Variants in HCN1 observed in about 807,000 individuals in gnomAD.
HCN1 encodes the protein hyperpolarization activated cyclic nucleotide gated potassium channel 1.
Under a neutral mutation model 78.9 loss-of-function variants are expected in HCN1, and 13 were observed. That is an observed-to-expected ratio of 0.16 (90% CI 0.11 to 0.26). The LOEUF (loss-of-function observed/expected upper bound fraction) is 0.26. Ranked by LOEUF, HCN1 falls within the 10% of genes least tolerant of loss-of-function variation. The pLI, the probability that HCN1 is intolerant of heterozygous loss-of-function variation, is 1.00. For missense variants in HCN1, 810 were observed against 1,154.3 expected (o/e 0.70, Z 4.32); for synonymous variants, 552 against 455.5 (o/e 1.21, Z -2.70).
chr5:45,463,772 T>C (rs985509956), intron 2 of HCN1, among the ~76,000 whole-genome samples: 1 of 152,070 alleles, frequency 6.6e-6, no homozygotes, highest in Non-Finnish European at 1.5e-5. Context: ...TTTGTTGTTG[T>C]TTAGTAACAG....
At chr5:45,297,013 C>T (rs1745509442) in intron 6 of HCN1, among the ~76,000 whole-genome samples, 1 of 152,020 alleles carries the variant, frequency 6.6e-6, no homozygotes, top group African/African-American at 2.4e-5. Context: ...AAGACACACA[C>T]ACAGAAATAT....
chr5:45,677,264 TAG>T (rs1333236194), intron 1 of HCN1, among the ~76,000 whole-genome samples: 4 of 151,790 alleles, frequency 2.6e-5, no homozygotes, highest in African/African-American at 9.7e-5. Context: ...CACAAAAAAA[TAG>T]AGTGATATCT....
intron 2 of HCN1, among the ~76,000 whole-genome samples, chr5:45,512,313 G>A (rs1257621464): frequency 1.3e-5 from 2 of 152,070 alleles, no homozygotes; most frequent in Non-Finnish European, 2.9e-5. Context: ...ATATGGTATG[G>A]TTAATGAAGT....
intron 5 of HCN1, among the ~76,000 whole-genome samples, chr5:45,317,469 A>C (rs1746018982): frequency 6.6e-6 from 1 of 152,262 alleles, no homozygotes; most frequent in South Asian, 2.1e-4. Flanking sequence ...CCCTAGAAGA[A>C]GACCTAGGCA....
intron 3 of HCN1, among the ~76,000 whole-genome samples, chr5:45,460,709 AAAAG>A (rs1430082341): frequency 6.6e-6 from 1 of 152,048 alleles, no homozygotes. Context: ...GACAAAAAGA[AAAAG>A]GAAGGAAGGA....
intron 5 of HCN1, among the ~76,000 whole-genome samples, chr5:45,340,947 G>T (rs1391909395): frequency 6.6e-6 from 1 of 151,998 alleles, no homozygotes; most frequent in Non-Finnish European, 1.5e-5. Context: ...AATTCATTTG[G>T]GGCATCATTT....
In HCN1 at chr5:45,317,673, A is replaced by T. The variant is rs1407859719; in HGVS notation, c.1378-13834T>A. On this transcript the variant is annotated intron_variant, in intron 5 of 7. Transcript: ENST00000303230. ...TTTTTGCAACCTACTCATCTGACAA[A>T]GGGCTAATATCCAGAATCTACAAAG... Among the ~76,000 whole-genome samples the T allele has an allele frequency of 3.3e-5, 5 of 152,168 alleles. No homozygotes were observed. In the East Asian group the frequency reaches 9.6e-4, roughly 29 times the overall value.
intron 5 of HCN1, among the ~76,000 whole-genome samples, chr5:45,315,465 A>G (rs914080531): frequency 1.6e-4 from 25 of 152,216 alleles, no homozygotes; most frequent in Admixed American, 1.6e-3. Flanking sequence ...GAAAGCAGGA[A>G]AGTTCTAAAA....
At chr5:45,398,449 G>A (rs1041364674) in intron 3 of HCN1, among the ~76,000 whole-genome samples, 17 of 152,080 alleles carry the variant, frequency 1.1e-4, no homozygotes, top group African/African-American at 4.1e-4. Flanking sequence ...GCCTATATGT[G>A]TGTGTGTGTA....
chr5:45,583,690 G>C (rs563170867), intron 2 of HCN1, among the ~76,000 whole-genome samples: 2 of 152,132 alleles, frequency 1.3e-5, no homozygotes, highest in South Asian at 4.2e-4. Flanking sequence ...TCTACACACT[G>C]CTCTGAATGT....
At chr5:45,317,314 G>C (rs780966165) in intron 5 of HCN1, among the ~76,000 whole-genome samples, 1 of 152,110 alleles carries the variant, frequency 6.6e-6, no homozygotes, top group Non-Finnish European at 1.5e-5. Context: ...CAAGAATTGG[G>C]GAAAGGATTC....
At chr5:45,669,612 T>A (rs766682876) in intron 1 of HCN1, among the ~76,000 whole-genome samples, 3 of 151,878 alleles carry the variant, frequency 2.0e-5, no homozygotes, top group Middle Eastern at 3.4e-3. Flanking sequence ...AAAATGGTGG[T>A]CATGAGCCAA....
intron 6 of HCN1, among the ~76,000 whole-genome samples, chr5:45,280,651 C>T (rs973542949): frequency 1.3e-5 from 2 of 152,192 alleles, no homozygotes; most frequent in African/African-American, 4.8e-5. Flanking sequence ...ATAAACTCTG[C>T]TCTAATAATC....
At chr5:45,324,142 T>G (rs1203895680) in intron 5 of HCN1, among the ~76,000 whole-genome samples, 1 of 151,824 alleles carries the variant, frequency 6.6e-6, no homozygotes, top group Non-Finnish European at 1.5e-5. Flanking sequence ...CCACACCAAC[T>G]TCCATGATGG....
Position 45,696,084 on chromosome 5 carries a change from C to A in HCN1, c.10G>T (p.Gly4Cys). The A allele has an allele frequency of 7.4e-7, 1 of 1,351,252 alleles. No individual in the cohort carries two copies. The highest frequency in any genetic ancestry group is 9.6e-7 in the Non-Finnish European group (1 of 1,040,738). The allele number at this position is 1,351,252 out of a possible 1,614,324, so 83.7% of individuals were successfully genotyped here. The change falls in exon 1 of 8, where the codon GGC becomes TGC. Residue 4 changes from glycine to cysteine, a missense_variant. Coordinates refer to ENST00000303230, the MANE Select transcript of HCN1 (RefSeq NM_021072.4). The part of the protein sequence containing the change: MEG[G>C]GKPNSSSNSR... ...TTAGACGAAGAGTTGGGCTTGCCGC[C>A]TCCTTCCATGCCCGGAGGACGCGGC... is the stretch of plus-strand genomic sequence containing the variant.
intron 4 of HCN1, among the ~76,000 whole-genome samples, chr5:45,357,111 T>A (rs1290807296): frequency 6.6e-6 from 1 of 152,102 alleles, no homozygotes; most frequent in Non-Finnish European, 1.5e-5. Flanking sequence ...GAATTTCTCT[T>A]TACAACATCC....
chr5:45,547,979 T>C lies in HCN1; in HGVS notation c.850-85972A>G, dbSNP rs191609380. ...ATTTTTCAAATCACTATTTGTGTTC[T>C]AGATATAATACATCATATCTTTTCC... On this transcript the variant is annotated intron_variant, in intron 2 of 7. Transcript: ENST00000303230. Among the ~76,000 whole-genome samples the C allele has an allele frequency of 2.4e-4, 36 of 152,098 alleles. No homozygotes were observed. In the East Asian group the frequency reaches 6.8e-3, roughly 29 times the overall value.
intron 1 of HCN1, among the ~76,000 whole-genome samples, chr5:45,693,159 T>A (rs1245063842): frequency 6.6e-6 from 1 of 152,182 alleles, no homozygotes. Context: ...AGAAAAAAAC[T>A]ACCGCTAGAA....
At chr5:45,373,312 T>C (rs1250086742) in intron 4 of HCN1, among the ~76,000 whole-genome samples, 1 of 118,334 alleles carries the variant, frequency 8.5e-6, no homozygotes, top group South Asian at 2.4e-4. Context: ...ATATACTATA[T>C]ATAAAATATA....
Sources: gnomAD v4.1 joint callset for allele counts (sites outside exome capture counted in the v4.1 genomes callset) on GRCh38, gnomAD v4.1.1 for gene constraint, MANE v1.5 for transcripts, NCBI Gene and HGNC (gene_info 2026-07-23, HGNC 2026-07-21) for gene names.